Variants in KCNJ14 observed in about 807,000 individuals in gnomAD.
KCNJ14 encodes the protein potassium inwardly rectifying channel subfamily J member 14.
A neutral mutation model predicts 24.5 loss-of-function variants in KCNJ14; 18 were observed. That is an observed-to-expected ratio of 0.74 (90% CI 0.51 to 1.09). The LOEUF (loss-of-function observed/expected upper bound fraction) is 1.09. KCNJ14 is among the 50% of genes least tolerant of loss of function. KCNJ14 has a pLI of 0.00. For missense variants in KCNJ14, 633 were observed against 623.0 expected, an observed-to-expected ratio of 1.02 and a Z score of -0.17; for synonymous variants, 288 against 270.8, an observed-to-expected ratio of 1.06 and a Z score of -0.63.
rs1434486889 is a variant in KCNJ14, at chr19:48,462,954, A to C, written c.714+516A>C. 6.6e-6 allele frequency among the ~76,000 whole-genome samples: 1 copy of C among 152,126 alleles called. No individual in the cohort carries two copies. The highest frequency in any genetic ancestry group is 1.5e-5 in the Non-Finnish European group (1 of 68,014). ...GAATGGGTGCAGCTCATCGCTGTGGAGCACAGTTCTCCAGGCCTCTAGGTG... is the reference window on the plus strand; with the variant it reads ...GAATGGGTGCAGCTCATCGCTGTGGCGCACAGTTCTCCAGGCCTCTAGGTG... On this transcript the variant is annotated intron_variant, in intron 2 of 2. Transcript: ENST00000342291. This position sits in a 1 kb window ranked among gnomAD's most constrained non-coding sequence, Gnocchi z 4.9.
At chr19:48,459,415 G>A (rs747814823) in intron 1 of KCNJ14, among the ~76,000 whole-genome samples, 1 of 151,946 alleles carries the variant, frequency 6.6e-6, no homozygotes, top group African/African-American at 2.4e-5. Context: ...GCTTTTTTGA[G>A]ACATGGTCTT....
chr19:48,462,543 C>T lies in KCNJ14; in HGVS notation c.714+105C>T. 1 of 828,098 alleles carries T rather than the reference C, an allele frequency of 1.2e-6. No individual in the cohort carries two copies. The highest frequency in any genetic ancestry group is 1.8e-6 in the Non-Finnish European group (1 of 553,716). The allele number at this position is 828,098 out of a possible 1,614,324, so 51.3% of individuals were successfully genotyped here. The stretch of plus-strand genomic sequence containing the variant: ...GCGGTCCTGGAGGGGGCGTGGACTA[C>T]AACTCCCAGCAGCCTCTTGGGCCTG... On this transcript the variant is annotated intron_variant, in intron 2 of 2. Coordinates refer to ENST00000342291, the MANE Select transcript of KCNJ14 (RefSeq NM_013348.4). The surrounding 1 kb of genome is among the most constrained non-coding windows in gnomAD (Gnocchi z 4.9).
At position 48,466,796 on chromosome 19, in the gene KCNJ14, G is replaced by C. The variant is rs1357602620; in HGVS notation, c.*2019G>C. 6.6e-6 allele frequency: 1 copy of C among 152,228 alleles called. No homozygotes were observed. The highest frequency in any genetic ancestry group is 2.4e-5 in the African/African-American group (1 of 41,432). 9.4% of individuals were successfully genotyped at this position (152,228 alleles called of 1,614,324 possible). On this transcript the variant is annotated 3_prime_UTR_variant, in exon 3 of 3. Coordinates refer to ENST00000342291, the MANE Select transcript of KCNJ14 (RefSeq NM_013348.4). ...ACTCTTGGAGGCTGGCTCTGAACTC[G>C]GGTGTCTGAATCACAGGGCAAGGGT...
Position 48,464,774 on chromosome 19 carries a change from A to C in KCNJ14, c.1308A>C (p.Pro436=), listed in dbSNP as rs1050809864. 1.9e-6 allele frequency: 3 copies of C among 1,599,300 alleles called. No individual in the cohort carries two copies. The African/African-American group carries it at 4.0e-5, about 21-fold the overall frequency. ...LTPTLALTLP[P] is the part of the protein sequence containing the mutation. ...CAACCCTGGCGCTGACCCTGCCTCC[A>C]TGATGCAAACTGATGTCCCCTTCCC... The change falls in exon 3 of 3, where the codon CCA becomes CCC. Residue 436 remains proline (P), a synonymous_variant. Transcript: ENST00000342291.
rs552740089 is a variant in KCNJ14, at chr19:48,457,132, T to C, written c.-56+1274T>C. On this transcript the variant is annotated intron_variant, in intron 1 of 2. Transcript: ENST00000342291. ...CACCTCAGTCTCCACAGTAGCTGCATCACCATGGCTGGATACTTTTTGTTT... is the reference window on the plus strand; with the variant it reads ...CACCTCAGTCTCCACAGTAGCTGCACCACCATGGCTGGATACTTTTTGTTT... The C allele has an allele frequency of 4.5e-3, 692 of 152,200 alleles. 12 individuals carry two copies. The highest frequency in any genetic ancestry group is 0.036 in the South Asian group (175 of 4,806). The allele number at this position is 152,200 out of a possible 1,614,324, so 9.4% of individuals were successfully genotyped here. A position where few individuals can be genotyped will look rare whatever the true frequency, so the allele number is the denominator to read the frequency against.
Position 48,462,363 on chromosome 19 carries a change from C to T in KCNJ14, c.639C>T (p.Leu213=). 1 of 1,540,294 alleles carries T rather than the reference C, an allele frequency of 6.5e-7. No individual in the cohort carries two copies. ...NAVVALRDHR[L]CLMWRVGNLR... is the part of the protein sequence containing the mutation. ...TCGTGGCGCTGCGCGACCACCGCCT[C>T]TGCCTCATGTGGCGCGTCGGCAACC... is the stretch of plus-strand genomic sequence containing the variant. The change falls in exon 2 of 3, where the codon CTC becomes CTT. Residue 213 remains leucine, a synonymous_variant. Coordinates refer to ENST00000342291, the MANE Select transcript of KCNJ14 (RefSeq NM_013348.4). This position sits in a 1 kb window ranked among gnomAD's most constrained non-coding sequence, Gnocchi z 4.9.
chr19:48,462,328 G>T lies in KCNJ14; in HGVS notation c.604G>T (p.Glu202Ter), dbSNP rs1971610655. Reference protein sequence around the residue: ...KKRNETLVFSENAVVALRDHR... With the variant: ...KKRNETLVFS ...GCGCAACGAGACGCTGGTCTTCAGC[G>T]AGAACGCCGTCGTGGCGCTGCGCGA... The change falls in exon 2 of 3, where the codon GAG becomes TAG. Residue 202 changes from glutamate to a stop codon, truncating the protein, a stop_gained. Transcript: ENST00000342291. LOFTEE classifies it high-confidence loss of function. The surrounding 1 kb of genome is among the most constrained non-coding windows in gnomAD (Gnocchi z 4.9). 1 of 1,548,614 alleles carries T rather than the reference G, an allele frequency of 6.5e-7. No individual in the cohort carries two copies. Among genetic ancestry groups the T allele is most frequent in the Non-Finnish European group, 8.7e-7 (1 of 1,144,270 alleles).
At position 48,462,080 on chromosome 19, in the gene KCNJ14, C is replaced by G; in HGVS notation, c.356C>G (p.Ala119Gly). 1.2e-6 allele frequency: 2 copies of G among 1,605,664 alleles called. No homozygotes were observed. The highest frequency in any genetic ancestry group is 4.5e-5 in the East Asian group (2 of 44,722). ...WLIASLHGDL[A>G]APPPPAPCFS... ...ATTGCCTCGCTGCACGGCGACCTGG[C>G]CGCCCCGCCACCGCCCGCGCCCTGC... The change falls in exon 2 of 3, where the codon GCC becomes GGC. Residue 119 changes from alanine (A) to glycine (G), a missense_variant. Ala to Gly is a moderately conservative substitution (Grantham distance 60). Coordinates refer to ENST00000342291, the MANE Select transcript of KCNJ14 (RefSeq NM_013348.4). This position sits in a 1 kb window ranked among gnomAD's most constrained non-coding sequence, Gnocchi z 4.9.
In KCNJ14 at chr19:48,462,980, T is replaced by C. The variant is rs1971617499; in HGVS notation, c.714+542T>C. Among the ~76,000 whole-genome samples, 1 of 152,130 alleles carries C rather than the reference T, an allele frequency of 6.6e-6. No individual in the cohort carries two copies. Among genetic ancestry groups the C allele is most frequent in the Non-Finnish European group, 1.5e-5 (1 of 68,016 alleles). On this transcript the variant is annotated intron_variant, in intron 2 of 2. Coordinates refer to ENST00000342291, the MANE Select transcript of KCNJ14 (RefSeq NM_013348.4). The surrounding 1 kb of genome is among the most constrained non-coding windows in gnomAD (Gnocchi z 4.9). ...GCACAGTTCTCCAGGCCTCTAGGTG[T>C]GGGGTCCTGCGGCATCTGTGGGAGA... is the stretch of plus-strand genomic sequence containing the variant.
At chr19:48,463,153 G>A (rs1236174133) in intron 2 of KCNJ14, among the ~76,000 whole-genome samples, 1 of 152,132 alleles carries the variant, frequency 6.6e-6, no homozygotes, top group Non-Finnish European at 1.5e-5. Context: ...GGGCCTTAGC[G>A]TTCCTAGAAT....
At chr19:48,460,174 C>CATGG (rs1971579543) in intron 1 of KCNJ14, among the ~76,000 whole-genome samples, 1 of 152,188 alleles carries the variant, frequency 6.6e-6, no homozygotes, top group African/African-American at 2.4e-5. Flanking sequence ...CGATTATGAG[C>CATGG]ATGGACCCTG....
At chr19:48,460,080 G>A (rs985021359) in intron 1 of KCNJ14, among the ~76,000 whole-genome samples, 21 of 151,254 alleles carry the variant, frequency 1.4e-4, no homozygotes, top group Non-Finnish European at 2.9e-4. Context: ...TTTTCCTTTT[G>A]TTACTTTGTG....
intron 1 of KCNJ14, among the ~76,000 whole-genome samples, chr19:48,457,789 C>G (rs892475378): frequency 1.3e-5 from 2 of 152,034 alleles, no homozygotes; most frequent in African/African-American, 4.8e-5. Context: ...GTGATTCTCC[C>G]ACCTCAGCCT....
intron 2 of KCNJ14, 57 bp from the exon 3 acceptor site, chr19:48,464,124 C>G (rs921112752): frequency 4.3e-6 from 5 of 1,169,508 alleles, no homozygotes; most frequent in Non-Finnish European, 6.4e-6. Flanking sequence ...TCTCTCACTT[C>G]GTCTCTGCCC....
At position 48,464,992 on chromosome 19, in the gene KCNJ14, C is replaced by T. The variant is rs1971642121; in HGVS notation, c.*215C>T. The T allele has an allele frequency of 3.6e-6, 2 of 562,498 alleles. No individual in the cohort carries two copies. The highest frequency in any genetic ancestry group is 6.1e-5 in the Admixed American group (2 of 32,662). The allele number at this position is 562,498 out of a possible 1,614,324, so 34.8% of individuals were successfully genotyped here. A position where few individuals can be genotyped will look rare whatever the true frequency, so the allele number is the denominator to read the frequency against. On this transcript the variant is annotated 3_prime_UTR_variant, in exon 3 of 3. Transcript: ENST00000342291. ...GCTTCTGTGCTCCCTCCTGAGAACC[C>T]TTTATGAGCCTGATTCCTCAGTCTC...
At chr19:48,461,550 A>AAAAAAAAAAAAAAAAAAAAAAAAAAAAAG (rs370425889) in intron 1 of KCNJ14, 120 bp from the exon 2 acceptor site, 4 of 346,482 alleles carry the variant, frequency 1.2e-5, no homozygotes, top group African/African-American at 9.3e-5. Flanking sequence ...AAAAAAAAAA[A>AAAAAAAAAAAAAAAAAAAAAAAAAAAAAG]TGCGTATCGT....
In KCNJ14 at chr19:48,464,174, G is replaced by C; in HGVS notation, c.715-7G>C. Reference sequence around the variant, plus strand: ...TGCTGTCTTTGGCTCCTCGCCTCCTGCTGCAGCCCCGTGTGACCCCAGAGG... The same window carrying C: ...TGCTGTCTTTGGCTCCTCGCCTCCTCCTGCAGCCCCGTGTGACCCCAGAGG... On this transcript the variant is annotated splice_region_variant and splice_polypyrimidine_tract_variant and intron_variant, in intron 2 of 2. Coordinates refer to ENST00000342291, the MANE Select transcript of KCNJ14 (RefSeq NM_013348.4). The C allele has an allele frequency of 6.2e-7, 1 of 1,608,306 alleles. No homozygotes were observed. Among genetic ancestry groups the C allele is most frequent in the South Asian group, 1.1e-5 (1 of 90,956 alleles).
intron 1 of KCNJ14, 112 bp from the exon 2 acceptor site, chr19:48,461,558 C>A (rs1267215553): frequency 5.8e-6 from 2 of 347,490 alleles, no homozygotes; most frequent in Non-Finnish European, 9.7e-6. Flanking sequence ...AAATGCGTAT[C>A]GTTCCACCTA....
At chr19:48,457,773 G>A (rs1293892337) in intron 1 of KCNJ14, among the ~76,000 whole-genome samples, 1 of 152,040 alleles carries the variant, frequency 6.6e-6, no homozygotes, top group Non-Finnish European at 1.5e-5. Flanking sequence ...CACCTCCCGG[G>A]TTCAAGTGAT....
Sources: gnomAD v4.1 joint callset for allele counts (sites outside exome capture counted in the v4.1 genomes callset) on GRCh38, gnomAD v4.1.1 for gene constraint, Gnocchi (gnomAD v3.1) non-coding constraint, MANE v1.5 for transcripts, NCBI Gene and HGNC (gene_info 2026-07-23, HGNC 2026-07-21) for gene names.